Variants in SSMEM1 observed in about 807,000 individuals in gnomAD.
SSMEM1 encodes the protein serine-rich single-pass membrane protein 1.
SSMEM1 carries 12 observed loss-of-function variants against 9.9 expected under a neutral mutation model. The ratio of observed to expected loss-of-function variants is 1.21; its 90% CI spans 0.78 to 1.96. SSMEM1 has a LOEUF of 1.96. Ranked by LOEUF, SSMEM1 falls within the 30% of genes most tolerant of loss-of-function variation. SSMEM1 has a pLI of 0.00. For missense variants in SSMEM1, 259 were observed against 292.2 expected (o/e 0.89, Z 0.83); for synonymous variants, 96 against 98.9 (o/e 0.97, Z 0.17).
At position 130,213,599 on chromosome 7, in the gene SSMEM1, T is replaced by C. The variant is rs1798638811; in HGVS notation, c.238+65T>C. On this transcript the variant is annotated intron_variant, in intron 2 of 2. Transcript: ENST00000297819. ...AAGAATATGTGTGGTGTTGCATGCC[T>C]GTAGTCCCAGCTACTCAGAAGGCTG... 2.7e-6 allele frequency: 4 copies of C among 1,457,930 alleles called. No homozygotes were observed. The South Asian group carries it at 4.8e-5, about 18-fold the overall frequency. The allele number at this position is 1,457,930 out of a possible 1,614,324, so 90.3% of individuals were successfully genotyped here.
chr7:130,205,599 A>C, upstream of SSMEM1: 1 of 630,042 alleles, frequency 1.6e-6, no homozygotes, highest in Non-Finnish European at 2.8e-6. Context: ...AAAGCTAAGC[A>C]GCAAAATTCA....
At chr7:130,208,347 C>A in intron 1 of SSMEM1, among the ~76,000 whole-genome samples, 1 of 152,128 alleles carries the variant, frequency 6.6e-6, no homozygotes, top group Non-Finnish European at 1.5e-5. Flanking sequence ...TGGTTTTTTT[C>A]TCTGCCTTTC....
intron 1 of SSMEM1, 94 bp from the exon 2 acceptor site, chr7:130,213,386 T>C: frequency 2.2e-6 from 2 of 896,294 alleles, no homozygotes; most frequent in Middle Eastern, 2.3e-4. Flanking sequence ...AAACCAGACA[T>C]TATAAATGGG....
chr7:130,215,363 G>A (rs938428334), intron 2 of SSMEM1, among the ~76,000 whole-genome samples: 5 of 151,980 alleles, frequency 3.3e-5, no homozygotes, highest in African/African-American at 4.8e-5. Flanking sequence ...CAAATACAAC[G>A]GACATAAAAA....
chr7:130,207,641 G>C (rs1320353048), upstream of SSMEM1: 3 of 509,536 alleles, frequency 5.9e-6, no homozygotes, highest in Non-Finnish European at 1.1e-5. Context: ...GGAAAATATA[G>C]CATATACAAG....
At chr7:130,205,477 A>C (rs779590245), upstream of SSMEM1, 130 of 1,573,596 alleles carry the variant, frequency 8.3e-5, no homozygotes, top group Non-Finnish European at 1.1e-4. Context: ...AAGTTACCGG[A>C]AGAACTAGGT....
Position 130,216,628 on chromosome 7 carries a change from T to C in SSMEM1, c.*158T>C. On this transcript the variant is annotated 3_prime_UTR_variant, in exon 3 of 3. Coordinates refer to ENST00000297819, the MANE Select transcript of SSMEM1 (RefSeq NM_145268.4). ...CCCAAGAGGTAAAATCTCACACAAT[T>C]CTTCGTTCAAAAAAAAAAAGGCCAT... The C allele has an allele frequency of 1.1e-6, 1 of 905,666 alleles. No homozygotes were observed. The highest frequency in any genetic ancestry group is 1.6e-6 in the Non-Finnish European group (1 of 618,346). The allele number at this position is 905,666 out of a possible 1,614,324, so 56.1% of individuals were successfully genotyped here.
At chr7:130,213,571 G>A (rs1798638022) in intron 2 of SSMEM1, 37 bp downstream of exon 2, 3 of 1,593,400 alleles carry the variant, frequency 1.9e-6, no homozygotes, top group Non-Finnish European at 2.6e-6. Flanking sequence ...GGACTATGAG[G>A]GGAAGAATAT....
At chr7:130,205,416 G>A (rs767074881), upstream of SSMEM1, 1 of 1,613,436 alleles carries the variant, frequency 6.2e-7, no homozygotes, top group Non-Finnish European at 8.5e-7. Context: ...CACTCTCTCT[G>A]GGCATGCGCA....
rs549000013 is a variant in SSMEM1, at chr7:130,215,471, A to C, written c.239-503A>C. On this transcript the variant is annotated intron_variant, in intron 2 of 2. Transcript: ENST00000297819. Reference sequence around the variant, plus strand: ...ATTTTTAGTAACTTAATTTATTGTAAGTTGGTATAATTTAATTTTTAATAA... The same window carrying C: ...ATTTTTAGTAACTTAATTTATTGTACGTTGGTATAATTTAATTTTTAATAA... Among the ~76,000 whole-genome samples the C allele has an allele frequency of 2.0e-5, 3 of 152,304 alleles. No homozygotes were observed. The East Asian group carries it at 5.8e-4, about 29-fold the overall frequency.
upstream of SSMEM1, among the ~76,000 whole-genome samples, chr7:130,207,372 C>T (rs924779835): frequency 3.9e-5 from 6 of 152,136 alleles, no homozygotes; most frequent in Non-Finnish European, 7.4e-5. Flanking sequence ...CTCGTGAATC[C>T]TTGCTGTCTT....
At chr7:130,205,944 G>C (rs1386691853), upstream of SSMEM1, among the ~76,000 whole-genome samples, 2 of 152,094 alleles carry the variant, frequency 1.3e-5, no homozygotes, top group Non-Finnish European at 2.9e-5. Flanking sequence ...CCAAACGCCT[G>C]CTGGCCTCCC....
intron 1 of SSMEM1, among the ~76,000 whole-genome samples, chr7:130,212,580 C>G (rs527961609): frequency 6.6e-6 from 1 of 151,924 alleles, no homozygotes; most frequent in South Asian, 2.1e-4. Flanking sequence ...ACAAAATTAG[C>G]CGGGCGTGGT....
In SSMEM1 at chr7:130,216,363, T is replaced by C; in HGVS notation, c.628T>C (p.Leu210=). The part of the protein sequence containing the change: ...HCKALRTNEW[L]AHHSRQKPSV... ...CAAAGCCTTGAGAACCAACGAATGG[T>C]TGGCGCACCATTCCCGACAGAAGCC... The change falls in exon 3 of 3, where the codon TTG becomes CTG. Residue 210 remains leucine (L), a synonymous_variant. Coordinates refer to ENST00000297819, the MANE Select transcript of SSMEM1 (RefSeq NM_145268.4). The C allele has an allele frequency of 6.2e-7, 1 of 1,614,212 alleles. No individual in the cohort carries two copies. Among genetic ancestry groups the C allele is most frequent in the Non-Finnish European group, 8.5e-7 (1 of 1,180,044 alleles).
At chr7:130,212,772 CAACT>C (rs1037018927) in intron 1 of SSMEM1, among the ~76,000 whole-genome samples, 1 of 151,378 alleles carries the variant, frequency 6.6e-6, no homozygotes, top group Non-Finnish European at 1.5e-5. Context: ...AAAAAAACAA[CAACT>C]AAACTAATCT....
chr7:130,216,324 C>G lies in SSMEM1; in HGVS notation c.589C>G (p.His197Asp), dbSNP rs1798707430. ...NLGSYQMSER[H>D]CLHCKALRTN... ...GGGAAGTTACCAAATGAGCGAAAGGCACTGCCTCCACTGCAAAGCCTTGAG... is the reference window on the plus strand; with the variant it reads ...GGGAAGTTACCAAATGAGCGAAAGGGACTGCCTCCACTGCAAAGCCTTGAG... Residue 197 changes from histidine (H) to aspartate (D), a missense_variant, in exon 3 of 3, where the codon CAC becomes GAC. His to Asp is a moderately conservative substitution (Grantham distance 81). Coordinates refer to ENST00000297819, the MANE Select transcript of SSMEM1 (RefSeq NM_145268.4). 1.2e-6 allele frequency: 2 copies of G among 1,614,056 alleles called. No individual in the cohort carries two copies. The highest frequency in any genetic ancestry group is 1.7e-6 in the Non-Finnish European group (2 of 1,180,052).
chr7:130,213,562 G>A (rs755778085), intron 2 of SSMEM1, 28 bp downstream of exon 2: 1 of 1,601,698 alleles, frequency 6.2e-7, no homozygotes, highest in South Asian at 1.1e-5. Flanking sequence ...TTTGGTGTTG[G>A]ACTATGAGGG....
chr7:130,207,272 G>A (rs1798501760), upstream of SSMEM1, among the ~76,000 whole-genome samples: 1 of 152,216 alleles, frequency 6.6e-6, no homozygotes. Context: ...GAGGCTGGAA[G>A]TCTAAGATCA....
intron 2 of SSMEM1, 38 bp downstream of exon 2, chr7:130,213,572 G>A: frequency 3.2e-6 from 5 of 1,585,266 alleles, no homozygotes; most frequent in South Asian, 1.1e-5. Context: ...GACTATGAGG[G>A]GAAGAATATG....
Sources: allele counts gnomAD v4.1 joint callset (sites outside exome capture counted in the v4.1 genomes callset), GRCh38; gene constraint gnomAD v4.1.1; transcripts MANE v1.5; gene names NCBI Gene and HGNC (gene_info 2026-07-23, HGNC 2026-07-21).